NCAPD3: variants seen among roughly 807,000 people sequenced by gnomAD.
The protein encoded by NCAPD3 is condensin-2 complex subunit D3.
NCAPD3 carries 105 observed loss-of-function variants against 182.9 expected under a neutral mutation model. The observed-to-expected ratio is 0.57, with a 90% CI of 0.49 to 0.68. NCAPD3 has a LOEUF of 0.68. Ranked by LOEUF, NCAPD3 falls within the 30% of genes least tolerant of loss-of-function variation. NCAPD3 has a pLI of 0.00. For missense variants in NCAPD3, 1,944 were observed against 1,837.0 expected (o/e 1.06, Z -1.07); for synonymous variants, 815 against 679.9 (o/e 1.20, Z -3.09).
chr11:134,216,888 A>C (rs767213460), intron 3 of NCAPD3, 48 bp downstream of exon 3: 2 of 1,530,234 alleles, frequency 1.3e-6, no homozygotes, highest in Admixed American at 4.3e-5. Flanking sequence ...AAACTGTAGA[A>C]AGAAAAAAAT....
intron 13 of NCAPD3, among the ~76,000 whole-genome samples, chr11:134,196,532 G>A (rs1263627023): frequency 6.6e-6 from 1 of 151,552 alleles, no homozygotes; most frequent in Non-Finnish European, 1.5e-5. Flanking sequence ...TGTAGTCCCA[G>A]ATACTCAGGA....
At chr11:134,201,085 C>T (rs917943388) in intron 13 of NCAPD3, among the ~76,000 whole-genome samples, 2 of 145,158 alleles carry the variant, frequency 1.4e-5, no homozygotes, top group Admixed American at 7.1e-5. Context: ...AGTGCGGTGG[C>T]GCAATCTCGG....
chr11:134,188,979 T>C (rs932882391), intron 16 of NCAPD3, among the ~76,000 whole-genome samples: 2 of 152,166 alleles, frequency 1.3e-5, no homozygotes, highest in Non-Finnish European at 2.9e-5. Flanking sequence ...CTTCCAGAAC[T>C]GTGAGAAAAT....
chr11:134,165,071 C>T (rs11223718), intron 27 of NCAPD3, among the ~76,000 whole-genome samples: 11,752 of 148,648 alleles, frequency 0.079, 582 homozygotes, highest in Admixed American at 0.11. Context: ...TGAGGGGGAG[C>T]GGCACACTCA....
At chr11:134,190,368 T>C (rs1944498299) in intron 16 of NCAPD3, among the ~76,000 whole-genome samples, 1 of 152,200 alleles carries the variant, frequency 6.6e-6, no homozygotes, top group Non-Finnish European at 1.5e-5. Flanking sequence ...CATATCATTG[T>C]TGTTACTGAT....
chr11:134,153,543 C>G, intron 32 of NCAPD3, 180 bp from the exon 33 acceptor site: 1 of 648,334 alleles, frequency 1.5e-6, no homozygotes, highest in South Asian at 1.8e-5. Context: ...GGGGATGCTC[C>G]TTTCCGTCTC....
intron 17 of NCAPD3, 146 bp downstream of exon 17, chr11:134,185,189 A>AT: frequency 1.1e-6 from 1 of 912,150 alleles, no homozygotes; most frequent in Non-Finnish European, 1.6e-6. Flanking sequence ...CATGATTCTT[A>AT]TTTTTTTCAT....
chr11:134,215,731 A>G lies in NCAPD3; in HGVS notation c.382+1205T>C, dbSNP rs896320643. ...TTGGCAATACTTCACAAACTCATCT[A>G]CAGTTTCAATGCAATCCCTGTCAAA... On this transcript the variant is annotated intron_variant, in intron 3 of 34. Transcript: ENST00000534548. 5.3e-5 allele frequency among the ~76,000 whole-genome samples: 8 copies of G among 152,346 alleles called. No homozygotes were observed. The East Asian group carries it at 7.7e-4, about 15-fold the overall frequency.
chr11:134,210,561 G>A (rs1937795832), intron 3 of NCAPD3, 107 bp from the exon 4 acceptor site: 2 of 990,810 alleles, frequency 2.0e-6, no homozygotes, highest in African/African-American at 1.6e-5. Context: ...TTTCATGACT[G>A]TGAATAACAA....
intron 1 of NCAPD3, chr11:134,223,313 G>A: frequency 1.5e-6 from 1 of 661,452 alleles, no homozygotes; most frequent in East Asian, 2.7e-5. Context: ...GAGCGGGGCT[G>A]CCCTGAGACA....
chr11:134,175,541 T>A (rs1944140785), intron 24 of NCAPD3, among the ~76,000 whole-genome samples: 1 of 152,216 alleles, frequency 6.6e-6, no homozygotes, highest in African/African-American at 2.4e-5. Flanking sequence ...TTGGTGGCTA[T>A]ATTTAGATCC....
At chr11:134,194,595 TAA>T in intron 14 of NCAPD3, 68 bp downstream of exon 14, 1 of 1,152,032 alleles carries the variant, frequency 8.7e-7, no homozygotes, top group Non-Finnish European at 1.3e-6. Context: ...CCTAAGAGTT[TAA>T]AAAATATTCC....
chr11:134,157,837 A>G, intron 31 of NCAPD3, 91 bp downstream of exon 31: 1 of 1,359,890 alleles, frequency 7.4e-7, no homozygotes, highest in Non-Finnish European at 9.9e-7. Flanking sequence ...AGATAAGAAA[A>G]CACACCGCTT....
intron 20 of NCAPD3, among the ~76,000 whole-genome samples, chr11:134,179,330 G>C (rs1591838664): frequency 6.6e-6 from 1 of 151,942 alleles, no homozygotes; most frequent in African/African-American, 2.4e-5. Context: ...TAGTCACGTG[G>C]CTTTATGTTT....
At chr11:134,163,717 A>G (rs1204113789) in intron 27 of NCAPD3, among the ~76,000 whole-genome samples, 1 of 150,024 alleles carries the variant, frequency 6.7e-6, no homozygotes, top group East Asian at 2.0e-4. Context: ...AAAAAAAAAA[A>G]AAAAGTTAGC....
intron 32 of NCAPD3, among the ~76,000 whole-genome samples, chr11:134,154,402 A>C (rs946673439): frequency 2.6e-5 from 4 of 151,560 alleles, no homozygotes; most frequent in African/African-American, 9.7e-5. Flanking sequence ...GCTCAGGTGC[A>C]CGCGTGCACA....
At chr11:134,161,433 C>T (rs189049601) in intron 28 of NCAPD3, among the ~76,000 whole-genome samples, 184 of 152,254 alleles carry the variant, frequency 1.2e-3, no homozygotes, top group African/African-American at 4.3e-3. Context: ...AAATCAAACC[C>T]GAAGACTCAC....
At chr11:134,188,949 C>T (rs1288075669) in intron 16 of NCAPD3, among the ~76,000 whole-genome samples, 1 of 152,112 alleles carries the variant, frequency 6.6e-6, no homozygotes, top group Non-Finnish European at 1.5e-5. Flanking sequence ...TCTCCTGGCA[C>T]CATGATCTCA....
At chr11:134,180,915 G>A (rs77650492) in intron 20 of NCAPD3, among the ~76,000 whole-genome samples, 162 bp downstream of exon 20, 10 of 152,030 alleles carry the variant, frequency 6.6e-5, no homozygotes, top group African/African-American at 2.4e-4. Flanking sequence ...AAATGAATAG[G>A]TTATCAATTT....
Sources: allele counts gnomAD v4.1 joint callset (sites outside exome capture counted in the v4.1 genomes callset), GRCh38; gene constraint gnomAD v4.1.1; transcripts MANE v1.5; gene names NCBI Gene and HGNC (gene_info 2026-07-23, HGNC 2026-07-21).